RIC8B: variants seen among roughly 807,000 people sequenced by gnomAD.
RIC8B encodes chaperone Ric-8B.
In RIC8B, 16 loss-of-function variants were observed where a neutral mutation model predicts 57.5. The observed-to-expected ratio is 0.28, with a 90% CI of 0.19 to 0.42. The LOEUF is 0.42. Among genes scored for constraint, RIC8B ranks in the 10% least tolerant of loss-of-function variants. The pLI, the probability that RIC8B is intolerant of heterozygous loss-of-function variation, is 1.00. For synonymous variants in RIC8B, 216 were observed against 250.8 expected (o/e 0.86, Z 1.31); for missense variants, 481 against 677.0 (o/e 0.71, Z 3.21).
chr12:106,854,969 C>G (rs1949653864), intron 7 of RIC8B, among the ~76,000 whole-genome samples: 1 of 152,144 alleles, frequency 6.6e-6, no homozygotes, highest in South Asian at 2.1e-4. Flanking sequence ...TGAGCCTGAA[C>G]ATGACTATTT....
intron 6 of RIC8B, among the ~76,000 whole-genome samples, chr12:106,850,736 A>G (rs535890359): frequency 6.6e-6 from 1 of 152,312 alleles, no homozygotes; most frequent in Non-Finnish European, 1.5e-5. Context: ...ATTAATAGCC[A>G]TTTTTATTAT....
intron 8 of RIC8B, chr12:106,868,567 T>G: frequency 3.5e-6 from 1 of 281,946 alleles, no homozygotes; most frequent in South Asian, 3.6e-5. Context: ...AATTGTATTT[T>G]CAGTGTGGCA....
intron 6 of RIC8B, among the ~76,000 whole-genome samples, chr12:106,847,235 G>A (rs561092403): frequency 6.6e-6 from 1 of 152,218 alleles, no homozygotes; most frequent in South Asian, 2.1e-4. Flanking sequence ...TTTGTTGGAG[G>A]TAGTATTCTA....
chr12:106,783,752 G>A (rs1055320494), intron 1 of RIC8B, among the ~76,000 whole-genome samples: 6 of 152,110 alleles, frequency 3.9e-5, no homozygotes, highest in South Asian at 4.1e-4. Context: ...AAGCCATTCC[G>A]GATTTTCCTG....
In RIC8B at chr12:106,797,909, G is replaced by A. The variant is rs1363602869; in HGVS notation, c.132+13865G>A. The A allele has an allele frequency of 8.8e-6, 5 of 566,964 alleles. No homozygotes were observed. In the East Asian group the frequency reaches 9.3e-5, roughly 11 times the overall value. 35.1% of individuals were successfully genotyped at this position (566,964 alleles called of 1,614,324 possible). A position where few individuals can be genotyped will look rare whatever the true frequency, so the allele number is the denominator to read the frequency against. On this transcript the variant is annotated intron_variant, in intron 2 of 9. Transcript: ENST00000392837. ...GACCCGTGTGCTACACCGTACTGCC[G>A]CTCATTAATAATTGGATTGACCTGT...
chr12:106,775,458 A>C (rs1431512226), intron 1 of RIC8B: 1 of 427,976 alleles, frequency 2.3e-6, no homozygotes, highest in Non-Finnish European at 4.7e-6. Flanking sequence ...TCCTAATGAT[A>C]CCTGTTATTT....
chr12:106,801,552 C>T (rs1248086217), intron 2 of RIC8B, among the ~76,000 whole-genome samples: 1 of 151,972 alleles, frequency 6.6e-6, no homozygotes, highest in Non-Finnish European at 1.5e-5. Flanking sequence ...AGACAGTATC[C>T]ATTAAATAAA....
intron 2 of RIC8B, among the ~76,000 whole-genome samples, chr12:106,805,561 C>A (rs963532266): frequency 1.3e-5 from 2 of 152,184 alleles, no homozygotes; most frequent in African/African-American, 4.8e-5. Flanking sequence ...TTAGTTCAGA[C>A]CTCCATCATC....
intron 6 of RIC8B, among the ~76,000 whole-genome samples, chr12:106,848,105 G>A (rs555006960): frequency 1.3e-5 from 2 of 152,234 alleles, no homozygotes; most frequent in African/African-American, 4.8e-5. Flanking sequence ...GAGTGGTCAG[G>A]GAATGTCTCC....
chr12:106,781,857 C>A (rs1457855867), intron 1 of RIC8B, among the ~76,000 whole-genome samples: 2 of 151,976 alleles, frequency 1.3e-5, no homozygotes, highest in Non-Finnish European at 1.5e-5. Flanking sequence ...TTTCTTAGTG[C>A]GATTATTTTC....
In RIC8B at chr12:106,842,826, G is replaced by A; in HGVS notation, c.1065+9G>A. ...AGAAGAGAATAGACAAGGTAAGGCT[G>A]ATAAAATGGAAGCCCTGGGAAGATG... On this transcript the variant is annotated intron_variant, in intron 5 of 9. Transcript: ENST00000392837. 2.6e-6 allele frequency: 4 copies of A among 1,546,178 alleles called. No individual in the cohort carries two copies. The highest frequency in any genetic ancestry group is 3.6e-6 in the Non-Finnish European group (4 of 1,120,662).
chr12:106,876,487 G>A (rs1699360592), intron 9 of RIC8B, among the ~76,000 whole-genome samples: 1 of 152,018 alleles, frequency 6.6e-6, no homozygotes, highest in African/African-American at 2.4e-5. Flanking sequence ...TATACTGTAA[G>A]GTTGCTTGGA....
At chr12:106,877,546 A>T (rs1950724209) in intron 9 of RIC8B, among the ~76,000 whole-genome samples, 1 of 152,210 alleles carries the variant, frequency 6.6e-6, no homozygotes, top group South Asian at 2.1e-4. Context: ...ATATTTTAAA[A>T]CACAAAACAA....
At chr12:106,882,479 T>C (rs1950989515) in intron 9 of RIC8B, among the ~76,000 whole-genome samples, 1 of 151,744 alleles carries the variant, frequency 6.6e-6, no homozygotes, top group African/African-American at 2.4e-5. Flanking sequence ...GTCTACCTTA[T>C]TATTATTATT....
At chr12:106,873,220 T>G (rs964381464) in intron 9 of RIC8B, 1 of 981,954 alleles carries the variant, frequency 1.0e-6, no homozygotes, top group Non-Finnish European at 1.2e-6. Context: ...ATATGTCTTA[T>G]GTTGGCTTTG....
intron 8 of RIC8B, 119 bp downstream of exon 8, chr12:106,860,531 ATGG>A (rs908665857): frequency 6.6e-5 from 56 of 850,534 alleles, no homozygotes; most frequent in Middle Eastern, 3.7e-4. Flanking sequence ...TTTCCATTTA[ATGG>A]TGTTTTTAGA....
intron 2 of RIC8B, among the ~76,000 whole-genome samples, chr12:106,803,146 A>C (rs1459127247): frequency 6.8e-6 from 1 of 147,446 alleles, no homozygotes; most frequent in Non-Finnish European, 1.5e-5. Context: ...CCGGAGTTCG[A>C]AGTTACAGTG....
At chr12:106,837,634 C>CTT (rs1298629651) in intron 4 of RIC8B, among the ~76,000 whole-genome samples, 3,481 of 121,810 alleles carry the variant, frequency 0.029, 75 homozygotes, top group South Asian at 0.057. Context: ...ATCTGAAAAT[C>CTT]TTTTGTTTTT....
chr12:106,818,046 TAAAC>T (rs1423919826), intron 3 of RIC8B, among the ~76,000 whole-genome samples: 1 of 152,180 alleles, frequency 6.6e-6, no homozygotes, highest in Non-Finnish European at 1.5e-5. Context: ...ACTTTTAAAA[TAAAC>T]ATTTTTTTCC....
Sources: gnomAD v4.1 joint callset for allele counts (sites outside exome capture counted in the v4.1 genomes callset) on GRCh38, gnomAD v4.1.1 for gene constraint, MANE v1.5 for transcripts, NCBI Gene and HGNC (gene_info 2026-07-23, HGNC 2026-07-21) for gene names.